The following TBL1X variants were observed in gnomAD, a reference collection of about 807,000 sequenced individuals.
TBL1X encodes transducin beta like 1 X-linked, also known as F-box-like/WD repeat-containing protein TBL1X.
TBL1X carries 10 observed loss-of-function variants against 50.7 expected under a neutral mutation model. The observed-to-expected ratio is 0.20, with a 90% CI of 0.12 to 0.33. TBL1X has a LOEUF of 0.33. TBL1X is among the 10% of genes least tolerant of loss of function. The pLI is 1.00. For missense variants in TBL1X, 340 were observed against 504.4 expected, an observed-to-expected ratio of 0.67 and a Z score of 3.12; for synonymous variants, 190 against 214.7, an observed-to-expected ratio of 0.88 and a Z score of 1.01.
At chrX:9,697,577 G>A in intron 12 of TBL1X, 148 bp downstream of exon 12, 1 of 792,663 alleles carries the variant, frequency 1.3e-6, no homozygotes, top group Non-Finnish European at 1.8e-6. Flanking sequence ...TTCAAGACCA[G>A]CCTGGGCAAC....
intron 2 of TBL1X, among the ~76,000 whole-genome samples, chrX:9,607,486 C>T (rs1039715523): frequency 8.9e-6 from 1 of 112,947 alleles, no homozygotes; most frequent in Non-Finnish European, 1.9e-5. Flanking sequence ...TCCAAAGCCT[C>T]CAGGTACGTG....
chrX:9,543,207 T>C (rs2082224256), intron 2 of TBL1X, among the ~76,000 whole-genome samples: 1 of 111,695 alleles, frequency 9.0e-6, no homozygotes, highest in African/African-American at 3.3e-5. Flanking sequence ...CCGATCACCC[T>C]CAGTGCCTCC....
chrX:9,482,426 T>G (rs2081888214), intron 1 of TBL1X, among the ~76,000 whole-genome samples: 1 of 112,208 alleles, frequency 8.9e-6, no homozygotes, highest in Non-Finnish European at 1.9e-5. Context: ...GTTTAACTGA[T>G]CTAGTCTTAG....
At chrX:9,586,300 G>A (rs1265564616) in intron 2 of TBL1X, among the ~76,000 whole-genome samples, 1 of 112,607 alleles carries the variant, frequency 8.9e-6, no homozygotes, top group East Asian at 2.8e-4. Context: ...CAATGGAATA[G>A]TATTCGGCCT....
chrX:9,503,265 G>T (rs767543326), intron 2 of TBL1X, among the ~76,000 whole-genome samples: 1 of 112,405 alleles, frequency 8.9e-6, no homozygotes, highest in South Asian at 3.7e-4. Flanking sequence ...ACGCTACCCA[G>T]CCGGGGAAAC....
At chrX:9,554,038 A>G (rs1183519391) in intron 2 of TBL1X, among the ~76,000 whole-genome samples, 1 of 111,412 alleles carries the variant, frequency 9.0e-6, no homozygotes, top group African/African-American at 3.3e-5. Context: ...GCACCTCCAC[A>G]TCTGGCTAAT....
At chrX:9,630,594 A>AT (rs1209371070) in intron 2 of TBL1X, among the ~76,000 whole-genome samples, 1 of 111,968 alleles carries the variant, frequency 8.9e-6, no homozygotes, top group East Asian at 2.8e-4. Flanking sequence ...TATTGTTTTT[A>AT]TTTTTTAAAA....
intron 12 of TBL1X, among the ~76,000 whole-genome samples, chrX:9,700,849 A>G (rs2083166130): frequency 8.9e-6 from 1 of 112,046 alleles, no homozygotes; most frequent in Non-Finnish European, 1.9e-5. Context: ...TTGATGCACG[A>G]CAGCCAGGAG....
At chrX:9,555,963 G>A (rs1457711390) in intron 2 of TBL1X, among the ~76,000 whole-genome samples, 1 of 111,140 alleles carries the variant, frequency 9.0e-6, no homozygotes, top group Non-Finnish European at 1.9e-5. Flanking sequence ...TGAGGTGGGA[G>A]GATCACTTGA....
chrX:9,584,917 G>A (rs933313191), intron 2 of TBL1X, among the ~76,000 whole-genome samples: 2 of 111,135 alleles, frequency 1.8e-5, no homozygotes, highest in Admixed American at 1.9e-4. Context: ...CAGAGGTGGC[G>A]GTGATTGTAT....
chrX:9,501,616 G>A (rs1015945306), intron 1 of TBL1X, among the ~76,000 whole-genome samples, 164 bp from the exon 2 acceptor site: 7 of 111,741 alleles, frequency 6.3e-5, no homozygotes, highest in African/African-American at 2.3e-4. Flanking sequence ...GGGACTTTGA[G>A]CTTTGGAATG....
At chrX:9,575,749 CAG>C (rs1392802425) in intron 2 of TBL1X, among the ~76,000 whole-genome samples, 1 of 112,192 alleles carries the variant, frequency 8.9e-6, no homozygotes, top group African/African-American at 3.2e-5. Flanking sequence ...GAGTTAAAAA[CAG>C]ATTATCTGTG....
chrX:9,689,021 TGTGTG>T (rs2083080409), intron 7 of TBL1X, among the ~76,000 whole-genome samples: 1 of 100,145 alleles, frequency 1.0e-5, no homozygotes, highest in African/African-American at 3.5e-5. Context: ...TATGTGTGCG[TGTGTG>T]CGTGTGTGCG....
chrX:9,576,244 G>A (rs1022191303), intron 2 of TBL1X, among the ~76,000 whole-genome samples: 5 of 112,131 alleles, frequency 4.5e-5, no homozygotes, highest in Non-Finnish European at 9.4e-5. Flanking sequence ...ACTTGAGTAC[G>A]CGCTGCACAG....
chrX:9,540,002 G>A (rs1347126504), intron 2 of TBL1X, among the ~76,000 whole-genome samples: 2 of 112,708 alleles, frequency 1.8e-5, no homozygotes, highest in Non-Finnish European at 3.7e-5. Context: ...CAGAACAGGT[G>A]CAGAATAACC....
chrX:9,567,712 G>A (rs1180487164), intron 2 of TBL1X, among the ~76,000 whole-genome samples: 4 of 111,814 alleles, frequency 3.6e-5, no homozygotes, highest in East Asian at 2.8e-4. Flanking sequence ...ATCCTCTTTC[G>A]TGAGCACTGT....
In TBL1X at chrX:9,683,934, G is replaced by T. The variant is rs749859529; in HGVS notation, c.212-109G>T. The T allele has an allele frequency of 6.3e-6, 7 of 1,119,408 alleles. No homozygotes were observed. In the African/African-American group the frequency reaches 1.3e-4, roughly 20 times the overall value. The allele number at this position is 1,119,408 out of a possible 1,213,427, so 92.3% of individuals were successfully genotyped here. A position where few individuals can be genotyped will look rare whatever the true frequency, so the allele number is the denominator to read the frequency against. ...GCATTCTGCAGCCGTGTCTGTCCCT[G>T]CAAATTAAGTGTGTTTGAAGTCTGC... On this transcript the variant is annotated intron_variant, in intron 5 of 17. Coordinates refer to ENST00000645353, the MANE Select transcript of TBL1X (RefSeq NM_005647.4).
At chrX:9,566,782 CT>C (rs1178952289) in intron 2 of TBL1X, among the ~76,000 whole-genome samples, 2 of 111,872 alleles carry the variant, frequency 1.8e-5, no homozygotes, top group Non-Finnish European at 3.8e-5. Context: ...CTCCACAATT[CT>C]TTTGCAAGTT....
chrX:9,716,199 G>T (rs2083277436), intron 17 of TBL1X, 21 bp from the exon 18 acceptor site: 1 of 1,208,430 alleles, frequency 8.3e-7, no homozygotes, highest in South Asian at 1.8e-5. Context: ...AAGATGACAG[G>T]TGCTTTATCT....
Sources: allele counts gnomAD v4.1 joint callset (sites outside exome capture counted in the v4.1 genomes callset), GRCh38; gene constraint gnomAD v4.1.1; transcripts MANE v1.5; gene names NCBI Gene and HGNC (gene_info 2026-07-23, HGNC 2026-07-21).